The following IL1R1 variants were observed in gnomAD, a reference collection of about 807,000 sequenced individuals.
IL1R1 encodes interleukin-1 receptor type 1.
In IL1R1, 22 loss-of-function variants were observed where a neutral mutation model predicts 50.2. That is an observed-to-expected ratio of 0.44 (90% CI 0.31 to 0.63). IL1R1 has a LOEUF of 0.63. Among genes scored for constraint, IL1R1 ranks in the 20% least tolerant of loss-of-function variants. The pLI is 0.07. For synonymous variants in IL1R1, 251 were observed against 236.7 expected, an observed-to-expected ratio of 1.06 and a Z score of -0.55; for missense variants, 509 against 676.2, an observed-to-expected ratio of 0.75 and a Z score of 2.74.
intron 1 of IL1R1, among the ~76,000 whole-genome samples, chr2:102,114,214 C>T (rs1306384945): frequency 6.6e-6 from 1 of 152,116 alleles, no homozygotes; most frequent in Non-Finnish European, 1.5e-5. Context: ...TATTGAAGCC[C>T]AAATCAATAC....
intron 1 of IL1R1, among the ~76,000 whole-genome samples, chr2:102,148,627 G>T (rs1169585925): frequency 1.3e-5 from 2 of 152,220 alleles, no homozygotes; most frequent in African/African-American, 4.8e-5. Flanking sequence ...ATCTTTGGAT[G>T]AAATTAGTAA....
At chr2:102,095,088 G>C (rs999533913) in intron 1 of IL1R1, among the ~76,000 whole-genome samples, 19 of 152,162 alleles carry the variant, frequency 1.2e-4, no homozygotes, top group Non-Finnish European at 2.1e-4. Flanking sequence ...TTTCCTAAGA[G>C]TTTAACCTTT....
At chr2:102,094,648 CCAT>C (rs1319601996) in intron 1 of IL1R1, among the ~76,000 whole-genome samples, 2 of 152,068 alleles carry the variant, frequency 1.3e-5, no homozygotes, top group African/African-American at 2.4e-5. Context: ...TGTATGAAGG[CCAT>C]CATCAAGTCA....
chr2:102,155,865 G>A (rs955954569), intron 2 of IL1R1, among the ~76,000 whole-genome samples: 5 of 152,296 alleles, frequency 3.3e-5, no homozygotes, highest in East Asian at 3.9e-4. Context: ...ACAGGCCACC[G>A]GCCCTGGACC....
chr2:102,101,071 T>C (rs1680120560), upstream of IL1R1, among the ~76,000 whole-genome samples: 1 of 152,180 alleles, frequency 6.6e-6, no homozygotes, highest in Non-Finnish European at 1.5e-5. Context: ...ATCAGGTCAA[T>C]TAGCACTCCC....
intron 1 of IL1R1, among the ~76,000 whole-genome samples, chr2:102,114,414 A>T (rs1229328642): frequency 6.6e-6 from 1 of 152,222 alleles, no homozygotes; most frequent in Admixed American, 6.5e-5. Flanking sequence ...TCCTGTAGGG[A>T]AAATATGTGA....
chr2:102,100,866 T>C (rs1185247715), upstream of IL1R1, among the ~76,000 whole-genome samples: 2 of 152,160 alleles, frequency 1.3e-5, no homozygotes, highest in Admixed American at 1.3e-4. Context: ...GGAAGAGTCA[T>C]GGGGATGATA....
chr2:102,169,884 T>C (rs1366303007), intron 7 of IL1R1, among the ~76,000 whole-genome samples: 2 of 152,232 alleles, frequency 1.3e-5, no homozygotes, highest in Non-Finnish European at 2.9e-5. Context: ...TCTTTAAATT[T>C]CAGTACCACA....
At position 102,176,731 on chromosome 2, in the gene IL1R1, A is replaced by G; in HGVS notation, c.1682A>G (p.Gln561Arg). Residue 561 changes from glutamine (Q) to arginine (R), a missense_variant, in exon 12 of 12, where the codon CAA (glutamine) becomes CGA (arginine). Coordinates refer to ENST00000410023, the MANE Select transcript of IL1R1 (RefSeq NM_000877.4). The stretch of plus-strand genomic sequence containing the variant: ...TCACCAGCCACTAAGGAGAAACTGC[A>G]AAGAGAGGCTCACGTGCCTCTCGGG... ...LLSPATKEKL[Q>R]REAHVPLG is the part of the protein sequence containing the mutation. 1 of 1,614,124 alleles carries G rather than the reference A, an allele frequency of 6.2e-7. No individual in the cohort carries two copies. The highest frequency in any genetic ancestry group is 8.5e-7 in the Non-Finnish European group (1 of 1,179,952).
In IL1R1 at chr2:102,166,127, A is replaced by G; in HGVS notation, c.501A>G (p.Leu167=). 2 of 1,613,224 alleles carry G rather than the reference A, an allele frequency of 1.2e-6. No homozygotes were observed. The highest frequency in any genetic ancestry group is 1.7e-5 in the Admixed American group (1 of 59,984). ...CCTTTATCTAGGATTGCAAACCTCT[A>G]CTTCTTGACAATATACACTTTAGTG... The part of the protein sequence containing the change: ...KLQWYKDCKP[L]LLDNIHFSGV... The change falls in exon 6 of 12, where the codon CTA becomes CTG. Residue 167 remains leucine (L), a synonymous_variant. Transcript: ENST00000410023.
intron 3 of IL1R1, among the ~76,000 whole-genome samples, chr2:102,160,049 C>T (rs1246087412): frequency 6.6e-6 from 1 of 152,134 alleles, no homozygotes; most frequent in African/African-American, 2.4e-5. Flanking sequence ...ACCCCCACTC[C>T]ACCATATTGG....
intron 1 of IL1R1, among the ~76,000 whole-genome samples, chr2:102,152,691 A>G (rs1683796343): frequency 6.6e-6 from 1 of 151,684 alleles, no homozygotes; most frequent in Non-Finnish European, 1.5e-5. Flanking sequence ...TATCTGGGGC[A>G]TACTCACAGG....
At chr2:102,151,350 C>T (rs1683636255) in intron 1 of IL1R1, among the ~76,000 whole-genome samples, 1 of 152,196 alleles carries the variant, frequency 6.6e-6, no homozygotes. Flanking sequence ...TACCCTTATT[C>T]CATCCTTTCT....
rs1429767833 is a variant in IL1R1 at position 102,174,748 on chromosome 2, A to G, written c.1135+18A>G. ...AATAAAAGGTATAATTTTGTATTCC[A>G]TGCAGTATTTCTTGTTGGAGATAAG... On this transcript the variant is annotated intron_variant, in intron 10 of 11. Coordinates refer to ENST00000410023, the MANE Select transcript of IL1R1 (RefSeq NM_000877.4). The G allele has an allele frequency of 2.5e-6, 4 of 1,595,364 alleles. No homozygotes were observed. The highest frequency in any genetic ancestry group is 3.4e-6 in the Non-Finnish European group (4 of 1,171,204).
At chr2:102,106,283 G>A (rs1680405249) in intron 1 of IL1R1, among the ~76,000 whole-genome samples, 1 of 152,038 alleles carries the variant, frequency 6.6e-6, no homozygotes, top group East Asian at 1.9e-4. Context: ...GCCAGAGATT[G>A]GTGTTTACTA....
At chr2:102,091,038 T>C (rs1679644246) in intron 1 of IL1R1, among the ~76,000 whole-genome samples, 1 of 152,226 alleles carries the variant, frequency 6.6e-6, no homozygotes, top group South Asian at 2.1e-4. Flanking sequence ...CTTGTGTTTC[T>C]CAATTGAGAC....
chr2:102,165,026 A>G lies in IL1R1; in HGVS notation c.296+18A>G, dbSNP rs200368951. 1.4e-5 allele frequency: 23 copies of G among 1,600,760 alleles called. No homozygotes were observed. Among genetic ancestry groups the G allele is most frequent in the Non-Finnish European group, 1.8e-5 (21 of 1,169,540 alleles). ...GTGGTAAGGTAAGAGAGGAATTAGT[A>G]TGTTACAAACATGTTCTAGTTTCCT... On this transcript the variant is annotated intron_variant, in intron 4 of 11. Coordinates refer to ENST00000410023, the MANE Select transcript of IL1R1 (RefSeq NM_000877.4).
chr2:102,137,287 AC>A (rs1682399885), intron 1 of IL1R1, among the ~76,000 whole-genome samples: 1 of 152,114 alleles, frequency 6.6e-6, no homozygotes, highest in Non-Finnish European at 1.5e-5. Flanking sequence ...GCTAGAATCT[AC>A]CCTGAAACTT....
At chr2:102,135,369 G>A (rs1682288060) in intron 1 of IL1R1, among the ~76,000 whole-genome samples, 1 of 152,118 alleles carries the variant, frequency 6.6e-6, no homozygotes, top group South Asian at 2.1e-4. Flanking sequence ...AGGGGATGAA[G>A]ACACTCCTCA....
Sources: gnomAD v4.1 joint callset for allele counts (sites outside exome capture counted in the v4.1 genomes callset) on GRCh38, gnomAD v4.1.1 for gene constraint, MANE v1.5 for transcripts, NCBI Gene and HGNC (gene_info 2026-07-23, HGNC 2026-07-21) for gene names.